MECOM: variants seen among roughly 807,000 people sequenced by gnomAD.
The protein encoded by MECOM is MDS1 and EVI1 complex locus.
A neutral mutation model predicts 116.3 loss-of-function variants in MECOM; 13 were observed. The ratio of observed to expected loss-of-function variants is 0.11; its 90% CI spans 0.07 to 0.18. The LOEUF is 0.18. MECOM is among the 10% of genes least tolerant of loss of function. The probability of loss-of-function intolerance (pLI) is 1.00; values close to 1 mark genes in which losing one functional copy is unlikely to be tolerated. For missense variants in MECOM, 1,299 were observed against 1,509.0 expected (o/e 0.86, Z 2.31); for synonymous variants, 528 against 535.2 (o/e 0.99, Z 0.19).
At chr3:169,388,212 A>C (rs1418482797) in intron 1 of MECOM, among the ~76,000 whole-genome samples, 2 of 152,116 alleles carry the variant, frequency 1.3e-5, no homozygotes, top group Non-Finnish European at 2.9e-5. Context: ...CAGGGAAGGG[A>C]GGGGGAAGAC....
chr3:169,378,109 G>C (rs1000170899), intron 2 of MECOM, among the ~76,000 whole-genome samples: 2 of 151,732 alleles, frequency 1.3e-5, no homozygotes, highest in African/African-American at 4.8e-5. Context: ...ATTCATAAGT[G>C]GGAGTTGAAC....
At chr3:169,231,111 A>G (rs994906870) in intron 2 of MECOM, among the ~76,000 whole-genome samples, 5 of 152,132 alleles carry the variant, frequency 3.3e-5, no homozygotes, top group African/African-American at 1.2e-4. Flanking sequence ...TATTGCATCT[A>G]TAGTCTTGAT....
intron 2 of MECOM, among the ~76,000 whole-genome samples, chr3:169,171,923 G>A (rs1400215603): frequency 6.6e-6 from 1 of 152,106 alleles, no homozygotes. Context: ...CTAAAGGAAT[G>A]CCAGGTCATT....
At chr3:169,507,834 G>T (rs12636262) in intron 1 of MECOM, among the ~76,000 whole-genome samples, 3,887 of 73,488 alleles carry the variant, frequency 0.053, 182 homozygotes, top group African/African-American at 0.23. Context: ...CTAATTTTTT[G>T]TATTTTTGAT....
At chr3:169,561,190 G>C (rs1189817413) in intron 1 of MECOM, among the ~76,000 whole-genome samples, 2 of 151,844 alleles carry the variant, frequency 1.3e-5, no homozygotes, top group East Asian at 3.9e-4. Context: ...ATGAATATTG[G>C]AGCTTTCATA....
chr3:169,188,563 G>A (rs1375032117), intron 2 of MECOM, among the ~76,000 whole-genome samples: 1 of 151,938 alleles, frequency 6.6e-6, no homozygotes, highest in Non-Finnish European at 1.5e-5. Context: ...ACAGTACTCC[G>A]GGAGTATTTC....
At chr3:169,305,936 C>T (rs910243313) in intron 2 of MECOM, among the ~76,000 whole-genome samples, 1 of 151,918 alleles carries the variant, frequency 6.6e-6, no homozygotes, top group African/African-American at 2.4e-5. Flanking sequence ...CCTAGACACA[C>T]ATTAGTTGTT....
intron 1 of MECOM, among the ~76,000 whole-genome samples, chr3:169,442,202 A>T (rs1743849950): frequency 6.6e-6 from 1 of 152,136 alleles, no homozygotes; most frequent in African/African-American, 2.4e-5. Context: ...CTGGGATTAC[A>T]GGCATGAGCC....
At chr3:169,388,169 A>G (rs1733675651) in intron 1 of MECOM, among the ~76,000 whole-genome samples, 1 of 152,130 alleles carries the variant, frequency 6.6e-6, no homozygotes, top group Non-Finnish European at 1.5e-5. Flanking sequence ...ACATGAGCAC[A>G]AGTCCATGAG....
chr3:169,263,222 G>A (rs572984979), intron 2 of MECOM, among the ~76,000 whole-genome samples: 2 of 145,076 alleles, frequency 1.4e-5, no homozygotes, highest in African/African-American at 2.6e-5. Context: ...TCCACCTCCC[G>A]GGTTCACGCC....
At chr3:169,420,300 G>A (rs911205054) in intron 1 of MECOM, among the ~76,000 whole-genome samples, 1 of 152,088 alleles carries the variant, frequency 6.6e-6, no homozygotes, top group African/African-American at 2.4e-5. Flanking sequence ...CCTAGAAAGA[G>A]CTCTGACCTG....
intron 1 of MECOM, among the ~76,000 whole-genome samples, chr3:169,605,101 G>A (rs6771699): frequency 3.3e-5 from 5 of 151,864 alleles, no homozygotes; most frequent in Non-Finnish European, 7.4e-5. Flanking sequence ...CTGAGTGGGA[G>A]GTTTAGTCAA....
chr3:169,288,810 A>G (rs1398292199), intron 2 of MECOM, among the ~76,000 whole-genome samples: 1 of 152,200 alleles, frequency 6.6e-6, no homozygotes, highest in African/African-American at 2.4e-5. Flanking sequence ...ACTTTCAACT[A>G]CCTGTGTTAT....
At chr3:169,623,395 C>G (rs571739877) in intron 1 of MECOM, among the ~76,000 whole-genome samples, 3 of 152,220 alleles carry the variant, frequency 2.0e-5, no homozygotes, top group Admixed American at 6.5e-5. Flanking sequence ...TTTTCCAAAA[C>G]TACAAAAGTT....
At chr3:169,579,734 C>CCAAG (rs1764899285) in intron 1 of MECOM, among the ~76,000 whole-genome samples, 1 of 152,168 alleles carries the variant, frequency 6.6e-6, no homozygotes, top group Non-Finnish European at 1.5e-5. Context: ...ATGAAAATGT[C>CCAAG]AGGATTCTCT....
intron 2 of MECOM, among the ~76,000 whole-genome samples, chr3:169,173,484 T>C (rs1744734249): frequency 6.6e-6 from 1 of 152,170 alleles, no homozygotes; most frequent in African/African-American, 2.4e-5. Context: ...CCCAGAGGCA[T>C]CTTAAATTCA....
chr3:169,422,121 A>G (rs554980422), intron 1 of MECOM, among the ~76,000 whole-genome samples: 24 of 152,266 alleles, frequency 1.6e-4, no homozygotes, highest in Non-Finnish European at 2.9e-4. Context: ...TTACCAGTAT[A>G]AGGCTCATTT....
At chr3:169,325,630 C>T (rs1417005517) in intron 2 of MECOM, among the ~76,000 whole-genome samples, 1 of 152,198 alleles carries the variant, frequency 6.6e-6, no homozygotes, top group East Asian at 1.9e-4. Context: ...ACACTGAATG[C>T]ACTGTATCAA....
At chr3:169,648,846 C>T (rs978309461) in intron 1 of MECOM, among the ~76,000 whole-genome samples, 1 of 152,174 alleles carries the variant, frequency 6.6e-6, no homozygotes, top group Non-Finnish European at 1.5e-5. Context: ...CTTTGGAAAC[C>T]ATGGAGACTT....
Sources: allele counts gnomAD v4.1 joint callset (sites outside exome capture counted in the v4.1 genomes callset), GRCh38; gene constraint gnomAD v4.1.1; transcripts MANE v1.5; gene names NCBI Gene and HGNC (gene_info 2026-07-23, HGNC 2026-07-21).